TENM3: variants seen among roughly 807,000 people sequenced by gnomAD.
The protein encoded by TENM3 is teneurin-3.
In TENM3, 63 loss-of-function variants were observed where a neutral mutation model predicts 255.1. The ratio of observed to expected loss-of-function variants is 0.25; its 90% confidence interval spans 0.20 to 0.30. The LOEUF is 0.30. Ranked by LOEUF, TENM3 falls within the 10% of genes least tolerant of loss-of-function variation. The pLI, the probability that TENM3 is intolerant of heterozygous loss-of-function variation, is 1.00. For synonymous variants in TENM3, 1,306 were observed against 1,322.3 expected (o/e 0.99, Z 0.27); for missense variants, 2,929 against 3,461.1 (o/e 0.85, Z 3.86).
At chr4:181,754,312 AC>A in the TENM3 span, among the ~76,000 whole-genome samples, 2 of 151,868 alleles carry the variant, frequency 1.3e-5, no homozygotes, top group African/African-American at 4.8e-5. Flanking sequence ...ACACACACAC[AC>A]ACACACACAG....
chr4:182,323,781 A>T (rs1346622182), intron 1 of TENM3, among the ~76,000 whole-genome samples, 165 bp from the exon 2 acceptor site: 2 of 152,198 alleles, frequency 1.3e-5, no homozygotes, highest in Admixed American at 1.3e-4. Flanking sequence ...TTGGTGATAC[A>T]ATGTATTTTA....
the TENM3 span, among the ~76,000 whole-genome samples, chr4:181,461,485 C>T: frequency 5.3e-5 from 8 of 152,116 alleles, no homozygotes; most frequent in African/African-American, 9.7e-5. Flanking sequence ...CCCCTACTTA[C>T]TGGAACTCTA....
At chr4:181,929,208 G>T in the TENM3 span, among the ~76,000 whole-genome samples, 1 of 152,102 alleles carries the variant, frequency 6.6e-6, no homozygotes, top group Non-Finnish European at 1.5e-5. Flanking sequence ...TGGGCTAAAT[G>T]CCCCAATTAA....
chr4:181,562,994 A>T, the TENM3 span, among the ~76,000 whole-genome samples: 1 of 152,092 alleles, frequency 6.6e-6, no homozygotes, highest in Non-Finnish European at 1.5e-5. Context: ...GCCACTGGGG[A>T]GTTGCGTACG....
chr4:182,268,189 T>C (rs1378840911), intron 1 of TENM3, among the ~76,000 whole-genome samples: 2 of 152,204 alleles, frequency 1.3e-5, no homozygotes, highest in African/African-American at 2.4e-5. Flanking sequence ...ACTCTTTGTA[T>C]AGGAATACAG....
At chr4:182,022,190 T>C in the TENM3 span, among the ~76,000 whole-genome samples, 1 of 150,584 alleles carries the variant, frequency 6.6e-6, no homozygotes, top group African/African-American at 2.4e-5. Flanking sequence ...AAAAATGTGG[T>C]ACATATACAC....
chr4:182,343,024 T>C lies in TENM3; in HGVS notation c.233-3627T>C, dbSNP rs111718505. On this transcript the variant is annotated intron_variant, in intron 2 of 27. Transcript: ENST00000511685. ...TATGTGCCAATCTCATTTGAAATATTTGTCCTTACACCATCCTTTCTACTT... is the reference window on the plus strand; with the variant it reads ...TATGTGCCAATCTCATTTGAAATATCTGTCCTTACACCATCCTTTCTACTT... 2.6e-5 allele frequency among the ~76,000 whole-genome samples: 4 copies of C among 152,328 alleles called. No homozygotes were observed. In the South Asian group the frequency reaches 6.2e-4, roughly 24 times the overall value.
the TENM3 span, chr4:181,980,398 T>C: frequency 1.3e-5 from 2 of 152,294 alleles, no homozygotes; most frequent in South Asian, 4.1e-4. Context: ...ATTACAAATA[T>C]AAAATAAATT....
chr4:182,771,703 A>G (rs1764241872), intron 22 of TENM3, among the ~76,000 whole-genome samples: 1 of 152,212 alleles, frequency 6.6e-6, no homozygotes, highest in Non-Finnish European at 1.5e-5. Flanking sequence ...GTTCTTAAAT[A>G]AACCAGTGCG....
the TENM3 span, among the ~76,000 whole-genome samples, chr4:182,056,824 G>C: frequency 1.3e-5 from 2 of 151,948 alleles, no homozygotes; most frequent in Non-Finnish European, 2.9e-5. Context: ...ATGGAGGGAG[G>C]TGGGTGGGGG....
intron 3 of TENM3, among the ~76,000 whole-genome samples, chr4:182,379,316 C>T (rs1189211176): frequency 6.6e-6 from 1 of 152,084 alleles, no homozygotes; most frequent in Non-Finnish European, 1.5e-5. Flanking sequence ...GAGATTCTGC[C>T]ACTGCACTCC....
chr4:182,202,284 G>A (rs1287858293), intron 1 of TENM3, among the ~76,000 whole-genome samples: 2 of 149,736 alleles, frequency 1.3e-5, no homozygotes, highest in African/African-American at 4.9e-5. Flanking sequence ...GCACAACTAA[G>A]ATGTGTGCAC....
intron 3 of TENM3, among the ~76,000 whole-genome samples, chr4:182,578,179 A>G (rs1482293778): frequency 6.6e-6 from 1 of 151,724 alleles, no homozygotes; most frequent in African/African-American, 2.4e-5. Flanking sequence ...GTTTCACCAT[A>G]TTGGCCAGGC....
intron 6 of TENM3, among the ~76,000 whole-genome samples, chr4:182,670,415 G>T (rs1476937915): frequency 6.6e-6 from 1 of 152,178 alleles, no homozygotes; most frequent in African/African-American, 2.4e-5. Context: ...CCTTTTTATT[G>T]AGTTTTCTAG....
At chr4:181,509,721 A>G in the TENM3 span, among the ~76,000 whole-genome samples, 2 of 152,220 alleles carry the variant, frequency 1.3e-5, no homozygotes, top group Non-Finnish European at 2.9e-5. Context: ...GAAGGAATTT[A>G]CGGAGGTGCT....
In TENM3 at chr4:182,638,307, T is replaced by C. The variant is rs542523174; in HGVS notation, c.988+9418T>C. Among the ~76,000 whole-genome samples, 4 of 152,354 alleles carry C rather than the reference T, an allele frequency of 2.6e-5. No individual in the cohort carries two copies. In the East Asian group the frequency reaches 7.7e-4, roughly 29 times the overall value. ...GATATCTCTGACTTCTTTCCATTCATGAGTACTCAATCTGTTTTGAAGAAA... is the reference window on the plus strand; with the variant it reads ...GATATCTCTGACTTCTTTCCATTCACGAGTACTCAATCTGTTTTGAAGAAA... On this transcript the variant is annotated intron_variant, in intron 5 of 27. Transcript: ENST00000511685.
the TENM3 span, among the ~76,000 whole-genome samples, chr4:182,030,215 C>G: frequency 6.6e-6 from 1 of 151,962 alleles, no homozygotes; most frequent in South Asian, 2.1e-4. Context: ...AGCTATTTTT[C>G]CTAATGCTCT....
chr4:181,547,975 A>G, the TENM3 span, among the ~76,000 whole-genome samples: 1 of 151,400 alleles, frequency 6.6e-6, no homozygotes, highest in Non-Finnish European at 1.5e-5. Context: ...CCACCCCACA[A>G]CAGGCCCTGG....
the TENM3 span, among the ~76,000 whole-genome samples, chr4:181,954,269 A>AT: frequency 6.6e-6 from 1 of 152,108 alleles, no homozygotes; most frequent in African/African-American, 2.4e-5. Context: ...ATATGTCTTC[A>AT]TTGTCTTTGA....
Sources: allele counts gnomAD v4.1 joint callset (sites outside exome capture counted in the v4.1 genomes callset), GRCh38; gene constraint gnomAD v4.1.1; transcripts MANE v1.5; gene names NCBI Gene and HGNC (gene_info 2026-07-23, HGNC 2026-07-21).